NTM: variants seen among roughly 807,000 people sequenced by gnomAD.
NTM encodes IgLON family member 2.
In NTM, 13 loss-of-function variants were observed where a neutral mutation model predicts 42.1. The ratio of observed to expected loss-of-function variants is 0.31; its 90% CI spans 0.20 to 0.49. The LOEUF is 0.49. Among genes scored for constraint, NTM ranks in the 20% least tolerant of loss-of-function variants. NTM has a pLI of 0.99. For synonymous variants in NTM, 187 were observed against 179.2 expected (o/e 1.04, Z -0.35); for missense variants, 373 against 452.8 (o/e 0.82, Z 1.60).
At chr11:131,687,589 G>C (rs897982994) in intron 1 of NTM, among the ~76,000 whole-genome samples, 5 of 152,092 alleles carry the variant, frequency 3.3e-5, no homozygotes, top group Non-Finnish European at 7.4e-5. Context: ...GGTGGCTGCC[G>C]AGTGGGGCAG....
Position 131,623,333 on chromosome 11 carries a change from G to A in NTM, c.82+252445G>A, listed in dbSNP as rs146622822. Reference sequence around the variant, plus strand: ...TTTTGAGAATCCAGTGGAAATATATGTGAGAAAGATTTGCACCCAGTAAAA... The same window carrying A: ...TTTTGAGAATCCAGTGGAAATATATATGAGAAAGATTTGCACCCAGTAAAA... On this transcript the variant is annotated intron_variant, in intron 1 of 8. Coordinates refer to ENST00000683400, the MANE Select transcript of NTM (RefSeq NM_001352005.2). 4.5e-3 allele frequency among the ~76,000 whole-genome samples: 689 copies of A among 152,358 alleles called. 2 individuals carry two copies. The highest frequency in any genetic ancestry group is 0.016 in the African/African-American group (654 of 41,596).
intron 1 of NTM, among the ~76,000 whole-genome samples, chr11:131,842,253 C>T (rs922514388): frequency 1.3e-5 from 2 of 152,148 alleles, no homozygotes; most frequent in Admixed American, 1.3e-4. Context: ...TTCTTTGGAA[C>T]ATATGAGTCC....
intron 1 of NTM, among the ~76,000 whole-genome samples, chr11:131,890,820 C>T (rs1312912587): frequency 6.6e-6 from 1 of 152,140 alleles, no homozygotes; most frequent in African/African-American, 2.4e-5. Context: ...ACTTGAGGAT[C>T]CCCTACTCAT....
At chr11:131,462,448 T>C (rs563988203) in intron 1 of NTM, among the ~76,000 whole-genome samples, 20 of 152,260 alleles carry the variant, frequency 1.3e-4, no homozygotes, top group Admixed American at 5.9e-4. Flanking sequence ...AATACAAAAA[T>C]GACAAAATCA....
intron 1 of NTM, among the ~76,000 whole-genome samples, chr11:131,634,397 G>GAAA (rs56158370): frequency 5.4e-5 from 8 of 146,852 alleles, no homozygotes; most frequent in African/African-American, 2.0e-4. Context: ...AAGCCCCCTG[G>GAAA]AAAAAAAAAA....
At chr11:131,744,750 T>G (rs545389113) in intron 1 of NTM, among the ~76,000 whole-genome samples, 1 of 152,286 alleles carries the variant, frequency 6.6e-6, no homozygotes, top group Admixed American at 6.5e-5. Context: ...ACCCAGTTTA[T>G]TCAGGATGCA....
At chr11:131,726,249 CT>C (rs1160418113) in intron 1 of NTM, among the ~76,000 whole-genome samples, 2 of 152,292 alleles carry the variant, frequency 1.3e-5, no homozygotes, top group Non-Finnish European at 2.9e-5. Flanking sequence ...GCGACCCTAT[CT>C]TTTTTGTGGC....
At chr11:131,771,953 T>C (rs2086171144) in intron 1 of NTM, among the ~76,000 whole-genome samples, 1 of 152,230 alleles carries the variant, frequency 6.6e-6, no homozygotes, top group Admixed American at 6.5e-5. Context: ...CCCCTTCCTT[T>C]TTCTATCTTC....
intron 2 of NTM, among the ~76,000 whole-genome samples, chr11:131,936,348 A>G (rs965637907): frequency 6.6e-6 from 1 of 152,160 alleles, no homozygotes; most frequent in Non-Finnish European, 1.5e-5. Context: ...TGTCCGTCCT[A>G]AATTTTGAGA....
At chr11:131,599,614 A>G (rs1040949323) in intron 1 of NTM, among the ~76,000 whole-genome samples, 3 of 152,236 alleles carry the variant, frequency 2.0e-5, no homozygotes, top group Non-Finnish European at 4.4e-5. Flanking sequence ...TGTGCTAAAT[A>G]TACTTCCAGT....
intron 1 of NTM, among the ~76,000 whole-genome samples, chr11:131,609,563 A>C (rs1565703361): frequency 6.6e-6 from 1 of 152,176 alleles, no homozygotes; most frequent in Non-Finnish European, 1.5e-5. Context: ...TAATCCCGAG[A>C]AGATCGAAGA....
At chr11:131,636,671 A>G (rs934195869) in intron 1 of NTM, among the ~76,000 whole-genome samples, 1 of 152,138 alleles carries the variant, frequency 6.6e-6, no homozygotes, top group Non-Finnish European at 1.5e-5. Flanking sequence ...ACGGAAGGAG[A>G]ATGGGCTTCA....
intron 4 of NTM, among the ~76,000 whole-genome samples, chr11:132,219,802 C>A (rs2138829323): frequency 6.6e-6 from 1 of 152,280 alleles, no homozygotes; most frequent in African/African-American, 2.4e-5. Context: ...AGCTTGCAGA[C>A]CTTCAGCCAG....
intron 2 of NTM, among the ~76,000 whole-genome samples, chr11:132,060,044 C>A (rs1279785091): frequency 6.6e-6 from 1 of 152,158 alleles, no homozygotes; most frequent in Non-Finnish European, 1.5e-5. Flanking sequence ...AAGCTCATAT[C>A]TCAAGCAGTG....
intron 1 of NTM, among the ~76,000 whole-genome samples, chr11:131,774,576 G>A (rs554321210): frequency 2.4e-4 from 37 of 152,014 alleles, no homozygotes; most frequent in African/African-American, 8.5e-4. Flanking sequence ...CATGAGGAGT[G>A]TAAGATTTTT....
At chr11:132,224,617 C>T (rs2085832291) in intron 4 of NTM, among the ~76,000 whole-genome samples, 1 of 152,066 alleles carries the variant, frequency 6.6e-6, no homozygotes, top group Admixed American at 6.6e-5. Flanking sequence ...TCTTCCTGCC[C>T]CTGAAGGTAC....
intron 2 of NTM, among the ~76,000 whole-genome samples, chr11:131,978,349 T>G (rs2064723913): frequency 6.6e-6 from 1 of 152,212 alleles, no homozygotes; most frequent in South Asian, 2.1e-4. Context: ...TCAGGGATGT[T>G]GGCAATGGAG....
intron 1 of NTM, among the ~76,000 whole-genome samples, chr11:131,637,211 C>T (rs2064511426): frequency 6.6e-6 from 1 of 151,992 alleles, no homozygotes; most frequent in African/African-American, 2.4e-5. Flanking sequence ...CCAGGACATC[C>T]ATCCTCGGCT....
chr11:132,115,517 G>A (rs1452193400), intron 2 of NTM, among the ~76,000 whole-genome samples: 4 of 152,144 alleles, frequency 2.6e-5, no homozygotes, highest in African/African-American at 9.7e-5. Context: ...AGGAAAGGTA[G>A]ACATAGGTAA....
Sources: allele counts gnomAD v4.1 joint callset (sites outside exome capture counted in the v4.1 genomes callset), GRCh38; gene constraint gnomAD v4.1.1; transcripts MANE v1.5; gene names NCBI Gene and HGNC (gene_info 2026-07-23, HGNC 2026-07-21).